TMEM196: variants seen among roughly 807,000 people sequenced by gnomAD.
TMEM196 encodes transmembrane protein 196.
TMEM196 carries 17 observed loss-of-function variants against 20.0 expected under a neutral mutation model. That is an observed-to-expected ratio of 0.85 (90% CI 0.58 to 1.27). TMEM196 has a LOEUF of 1.27. TMEM196 is among the 50% of genes most tolerant of loss of function. The probability of loss-of-function intolerance (pLI) is 0.00; values close to 1 mark genes in which losing one functional copy is unlikely to be tolerated. For missense variants in TMEM196, 267 were observed against 223.0 expected, an observed-to-expected ratio of 1.20 and a Z score of -1.26; for synonymous variants, 113 against 88.9, an observed-to-expected ratio of 1.27 and a Z score of -1.52.
chr7:19,768,845 G>A (rs1402736013), intron 1 of TMEM196, among the ~76,000 whole-genome samples: 1 of 152,046 alleles, frequency 6.6e-6, no homozygotes, highest in Non-Finnish European at 1.5e-5. Flanking sequence ...AATAGTGCCT[G>A]GAAATAATCT....
At chr7:19,747,281 A>AAAATG (rs4001056) in intron 1 of TMEM196, among the ~76,000 whole-genome samples, 1 of 51,106 alleles carries the variant, frequency 2.0e-5, no homozygotes, top group Non-Finnish European at 3.0e-5. Context: ...AAAATAAAAT[A>AAAATG]AAAATAAAAA....
chr7:19,746,869 G>A (rs1784773791), intron 1 of TMEM196, among the ~76,000 whole-genome samples: 1 of 152,168 alleles, frequency 6.6e-6, no homozygotes, highest in African/African-American at 2.4e-5. Context: ...CAGCAGGAAG[G>A]AATTATTACT....
In TMEM196 at chr7:19,719,866, T is replaced by G. The variant is rs192079717; in HGVS notation, c.*2262A>C. 26 of 152,242 alleles carry G rather than the reference T, an allele frequency of 1.7e-4. No homozygotes were observed. In the East Asian group the frequency reaches 5.0e-3, roughly 29 times the overall value. 9.4% of individuals were successfully genotyped at this position (152,242 alleles called of 1,614,324 possible). A position where few individuals can be genotyped will look rare whatever the true frequency, so the allele number is the denominator to read the frequency against. ...TGTGATGATGGCATCTCTTTTTAACTATACATCAAAGCAGTGATATGTCTC... is the reference window on the plus strand; with the variant it reads ...TGTGATGATGGCATCTCTTTTTAACGATACATCAAAGCAGTGATATGTCTC... On this transcript the variant is annotated 3_prime_UTR_variant, in exon 5 of 5. Coordinates refer to ENST00000405844, the MANE Select transcript of TMEM196 (RefSeq NM_001363562.2).
At position 19,766,516 on chromosome 7, in the gene TMEM196, G is replaced by GTA. The variant is rs1427737754; in HGVS notation, c.147+6033_147+6034insTA. On this transcript the variant is annotated intron_variant, in intron 1 of 4. Transcript: ENST00000405844. ...CGTGAATAGGATCTCATGTGTGTAT[G>GTA]TGTATATATATATAAAATATATAGG... 2.1e-3 allele frequency among the ~76,000 whole-genome samples: 319 copies of GTA among 150,714 alleles called. 3 individuals carry two copies. The highest frequency in any genetic ancestry group is 7.3e-3 in the African/African-American group (300 of 41,088).
At chr7:19,762,463 T>C (rs1583459127) in intron 1 of TMEM196, among the ~76,000 whole-genome samples, 2 of 152,328 alleles carry the variant, frequency 1.3e-5, no homozygotes, top group South Asian at 4.1e-4. Flanking sequence ...ACTTTTTATA[T>C]ACTTGTGCGA....
At chr7:19,736,745 C>T (rs1035746197) in intron 1 of TMEM196, among the ~76,000 whole-genome samples, 8 of 151,802 alleles carry the variant, frequency 5.3e-5, no homozygotes, top group South Asian at 2.1e-4. Context: ...CCAGATAAAC[C>T]GCTCTTCAAG....
chr7:19,734,711 C>T (rs898097876), intron 1 of TMEM196, among the ~76,000 whole-genome samples: 1 of 152,136 alleles, frequency 6.6e-6, no homozygotes, highest in African/African-American at 2.4e-5. Context: ...CTGGAGCCTC[C>T]AGAAAGAATG....
intron 1 of TMEM196, among the ~76,000 whole-genome samples, chr7:19,765,137 G>A (rs1054562958): frequency 2.6e-5 from 4 of 151,990 alleles, no homozygotes; most frequent in African/African-American, 9.7e-5. Flanking sequence ...TAATACATAT[G>A]GAAGCATCTG....
rs1783741339 is a variant in TMEM196, at chr7:19,719,330, T to C, written c.*2798A>G. On this transcript the variant is annotated 3_prime_UTR_variant, in exon 5 of 5. Transcript: ENST00000405844. ...ACACCATATATAGTTTCAAAGCACATCATTTTATTATAGACATGTCAGTAG... is the reference window on the plus strand; with the variant it reads ...ACACCATATATAGTTTCAAAGCACACCATTTTATTATAGACATGTCAGTAG... The C allele has an allele frequency of 6.6e-6, 1 of 151,206 alleles. No homozygotes were observed. Among genetic ancestry groups the C allele is most frequent in the African/African-American group, 2.4e-5 (1 of 41,354 alleles). 9.4% of individuals were successfully genotyped at this position (151,206 alleles called of 1,614,324 possible). A position where few individuals can be genotyped will look rare whatever the true frequency, so the allele number is the denominator to read the frequency against.
At chr7:19,732,589 A>AAC (rs1554298177) in intron 1 of TMEM196, among the ~76,000 whole-genome samples, 11 of 125,512 alleles carry the variant, frequency 8.8e-5, no homozygotes, top group South Asian at 2.5e-4. Context: ...AAAAAACAAA[A>AAC]AAAAAAAAAA....
At chr7:19,730,262 G>GAAA (rs202189627) in intron 1 of TMEM196, among the ~76,000 whole-genome samples, 5 of 119,756 alleles carry the variant, frequency 4.2e-5, no homozygotes, top group African/African-American at 1.2e-4. Flanking sequence ...TCTCAAAAAA[G>GAAA]AAAAAAAAAA....
chr7:19,736,924 A>T (rs887282650), intron 1 of TMEM196, among the ~76,000 whole-genome samples: 32 of 151,798 alleles, frequency 2.1e-4, no homozygotes, highest in African/African-American at 7.3e-4. Flanking sequence ...TCTTTTCTAA[A>T]TTTTTTTCAA....
intron 1 of TMEM196, among the ~76,000 whole-genome samples, chr7:19,735,810 G>A (rs1201576142): frequency 6.6e-6 from 1 of 152,116 alleles, no homozygotes; most frequent in Non-Finnish European, 1.5e-5. Context: ...TACTTCAGAT[G>A]AAATAAGTTT....
Position 19,719,727 on chromosome 7 carries a change from C to G in TMEM196, c.*2401G>C, listed in dbSNP as rs1321240550. 1 of 152,046 alleles carries G rather than the reference C, an allele frequency of 6.6e-6. No homozygotes were observed. The highest frequency in any genetic ancestry group is 2.4e-5 in the African/African-American group (1 of 41,438). 9.4% of individuals were successfully genotyped at this position (152,046 alleles called of 1,614,324 possible). ...CCACTTATCTAAAAAAGAATCGCCG[C>G]ACATCCCAAGTAAATCATTCTAAAC... On this transcript the variant is annotated 3_prime_UTR_variant, in exon 5 of 5. Coordinates refer to ENST00000405844, the MANE Select transcript of TMEM196 (RefSeq NM_001363562.2).
In TMEM196 at chr7:19,720,810, C is replaced by T. The variant is rs2285927; in HGVS notation, c.*1318G>A. Reference sequence around the variant, plus strand: ...ACTGCCTATATTATTTCATGAGAATCGTAAAACAAAACACCTAAATTAGAT... The same window carrying T: ...ACTGCCTATATTATTTCATGAGAATTGTAAAACAAAACACCTAAATTAGAT... On this transcript the variant is annotated 3_prime_UTR_variant, in exon 5 of 5. Transcript: ENST00000405844. 1.1e-4 allele frequency: 16 copies of T among 151,676 alleles called. No homozygotes were observed. The highest frequency in any genetic ancestry group is 3.4e-3 in the Middle Eastern group (1 of 290). 9.4% of individuals were successfully genotyped at this position (151,676 alleles called of 1,614,324 possible). A position where few individuals can be genotyped will look rare whatever the true frequency, so the allele number is the denominator to read the frequency against.
At position 19,719,613 on chromosome 7, in the gene TMEM196, G is replaced by A. The variant is rs1408108600; in HGVS notation, c.*2515C>T. The A allele has an allele frequency of 2.0e-5, 3 of 151,964 alleles. No homozygotes were observed. The highest frequency in any genetic ancestry group is 7.2e-5 in the African/African-American group (3 of 41,392). The allele number at this position is 151,964 out of a possible 1,614,324, so 9.4% of individuals were successfully genotyped here. ...GGGTAGGCTCATACTAAAACTATAA[G>A]GTAGTCACTTAAAACATTCCAGCAT... On this transcript the variant is annotated 3_prime_UTR_variant, in exon 5 of 5. Transcript: ENST00000405844.
intron 3 of TMEM196, 55 bp from the exon 4 acceptor site, chr7:19,724,408 C>G (rs1783918913): frequency 3.4e-6 from 5 of 1,460,868 alleles, no homozygotes; most frequent in South Asian, 1.2e-5. Context: ...ATACAGAAAA[C>G]TAAATCAGAC....
chr7:19,730,298 T>C (rs1178986503), intron 1 of TMEM196, among the ~76,000 whole-genome samples: 1 of 151,292 alleles, frequency 6.6e-6, no homozygotes, highest in Non-Finnish European at 1.5e-5. Flanking sequence ...GATAAAGCAA[T>C]TGATAGCATA....
chr7:19,767,672 G>C (rs1429350356), intron 1 of TMEM196, among the ~76,000 whole-genome samples: 2 of 151,860 alleles, frequency 1.3e-5, no homozygotes, highest in Non-Finnish European at 2.9e-5. Flanking sequence ...ATTTTAAAAT[G>C]GGCCATAAAA....
Sources: gnomAD v4.1 joint callset for allele counts (sites outside exome capture counted in the v4.1 genomes callset) on GRCh38, gnomAD v4.1.1 for gene constraint, MANE v1.5 for transcripts, NCBI Gene and HGNC (gene_info 2026-07-23, HGNC 2026-07-21) for gene names.